OSBPL1A: variants seen among roughly 807,000 people sequenced by gnomAD.
OSBPL1A encodes the protein oxysterol binding protein like 1A.
A neutral mutation model predicts 137.1 loss-of-function variants in OSBPL1A; 80 were observed. The observed-to-expected ratio is 0.58, with a 90% CI of 0.49 to 0.70. The LOEUF (loss-of-function observed/expected upper bound fraction) is 0.70. Ranked by LOEUF, OSBPL1A falls within the 30% of genes least tolerant of loss-of-function variation. The probability of loss-of-function intolerance (pLI) is 0.00; values close to 1 mark genes in which losing one functional copy is unlikely to be tolerated. For missense variants in OSBPL1A, 970 were observed against 1,129.4 expected (o/e 0.86, Z 2.02); for synonymous variants, 365 against 389.7 (o/e 0.94, Z 0.75).
At chr18:24,260,837 CAAA>C (rs71373370) in intron 15 of OSBPL1A, among the ~76,000 whole-genome samples, 1 of 120,448 alleles carries the variant, frequency 8.3e-6, no homozygotes. Context: ...TAAAAGAACT[CAAA>C]AAAAAAAAAA....
chr18:24,176,991 T>G (rs2086467427), intron 21 of OSBPL1A, among the ~76,000 whole-genome samples: 1 of 152,182 alleles, frequency 6.6e-6, no homozygotes, highest in South Asian at 2.1e-4. Context: ...GCCTCTCTGC[T>G]CTGTCTTGTA....
At chr18:24,366,783 T>G in intron 4 of OSBPL1A, 109 bp downstream of exon 4, 1 of 1,074,916 alleles carries the variant, frequency 9.3e-7, no homozygotes, top group Non-Finnish European at 1.3e-6. Context: ...ATACATTTTT[T>G]TGTGTGGCTT....
intron 14 of OSBPL1A, among the ~76,000 whole-genome samples, chr18:24,283,406 A>G (rs2090005362): frequency 6.6e-6 from 1 of 151,466 alleles, no homozygotes; most frequent in Non-Finnish European, 1.5e-5. Flanking sequence ...TACATCTTAC[A>G]GAATAGTTTT....
At position 24,271,456 on chromosome 18, in the gene OSBPL1A, A is replaced by G. The variant is rs1407777847; in HGVS notation, c.1281+9386T>C. On this transcript the variant is annotated intron_variant, in intron 15 of 27. Transcript: ENST00000319481. This position sits in a 1 kb window ranked among gnomAD's most constrained non-coding sequence, Gnocchi z 4.0. The stretch of plus-strand genomic sequence containing the variant: ...TCTCCCGGCTGGTGCGCCCCTCCCC[A>G]CGCGCCCGCGGCTGCACCCCACTCT... 7.0e-6 allele frequency: 5 copies of G among 715,626 alleles called. No homozygotes were observed. Among genetic ancestry groups the G allele is most frequent in the Non-Finnish European group, 8.6e-6 (5 of 583,802 alleles). 44.3% of individuals were successfully genotyped at this position (715,626 alleles called of 1,614,324 possible).
rs577050008 is a variant in OSBPL1A, at chr18:24,258,962, G to A, written c.1282-19580C>T. ...TTTTTTTTTTTTTTTAAATTGAGAC[G>A]GAGTCTCGCTCTGTCGCCAGGCTGG... On this transcript the variant is annotated intron_variant, in intron 15 of 27. Transcript: ENST00000319481. 6.2e-4 allele frequency among the ~76,000 whole-genome samples: 79 copies of A among 127,316 alleles called. 1 individual carries two copies. In the South Asian group the frequency reaches 7.4e-3, roughly 12 times the overall value. 83.5% of individuals were successfully genotyped at this position (127,316 alleles called of 152,430 possible).
chr18:24,164,432 T>G (rs2086094402), intron 27 of OSBPL1A, among the ~76,000 whole-genome samples: 1 of 136,422 alleles, frequency 7.3e-6, no homozygotes, highest in Non-Finnish European at 1.6e-5. Flanking sequence ...TTTTTTTTTT[T>G]TTTTTTTTTT....
At chr18:24,345,778 T>C (rs1352689888) in intron 4 of OSBPL1A, among the ~76,000 whole-genome samples, 2 of 152,318 alleles carry the variant, frequency 1.3e-5, no homozygotes, top group Middle Eastern at 6.8e-3. Context: ...CCTCACTCAC[T>C]GTCTAAAGTA....
intron 15 of OSBPL1A, among the ~76,000 whole-genome samples, chr18:24,256,964 CAAAAAAAAAA>C (rs201880387): frequency 0.065 from 1,905 of 29,480 alleles, 25 homozygotes; most frequent in Non-Finnish European, 0.1. Flanking sequence ...GAAGAGGATG[CAAAAAAAAAA>C]AAAAAAAAAA....
In OSBPL1A at chr18:24,271,531, G is replaced by C. The variant is rs1226491265; in HGVS notation, c.1281+9311C>G. ...GGATCTACTCACATCCCTGGATCAAGTCTGGCCGCCCTCCCCGCTCCGTCC... is the reference window on the plus strand; with the variant it reads ...GGATCTACTCACATCCCTGGATCAACTCTGGCCGCCCTCCCCGCTCCGTCC... On this transcript the variant is annotated intron_variant, in intron 15 of 27. Coordinates refer to ENST00000319481, the MANE Select transcript of OSBPL1A (RefSeq NM_080597.4). This position sits in a 1 kb window ranked among gnomAD's most constrained non-coding sequence, Gnocchi z 4.0. The C allele has an allele frequency of 1.0e-6, 1 of 982,280 alleles. No homozygotes were observed. The allele number at this position is 982,280 out of a possible 1,614,324, so 60.8% of individuals were successfully genotyped here. A position where few individuals can be genotyped will look rare whatever the true frequency, so the allele number is the denominator to read the frequency against.
chr18:24,284,648 T>A (rs1262484706), intron 14 of OSBPL1A, among the ~76,000 whole-genome samples: 1 of 152,160 alleles, frequency 6.6e-6, no homozygotes, highest in East Asian at 1.9e-4. Context: ...AAAGTCCACA[T>A]TTCCTTAGCC....
chr18:24,169,745 G>T (rs1476706114), intron 24 of OSBPL1A, among the ~76,000 whole-genome samples: 1 of 152,216 alleles, frequency 6.6e-6, no homozygotes, highest in Non-Finnish European at 1.5e-5. Context: ...AGGAGGGAAG[G>T]GGCAGGAGTT....
chr18:24,207,049 G>A (rs1462199477), intron 17 of OSBPL1A, among the ~76,000 whole-genome samples: 1 of 152,086 alleles, frequency 6.6e-6, no homozygotes, highest in African/African-American at 2.4e-5. Context: ...AAAGAAAAAC[G>A]GTGAAAAAAT....
intron 15 of OSBPL1A, among the ~76,000 whole-genome samples, chr18:24,270,413 G>A (rs1195353299): frequency 6.6e-6 from 1 of 152,076 alleles, no homozygotes; most frequent in Non-Finnish European, 1.5e-5. Flanking sequence ...CACAACTGGG[G>A]GCAAAGAAAT....
intron 21 of OSBPL1A, among the ~76,000 whole-genome samples, chr18:24,177,736 T>C (rs1056530146): frequency 2.6e-5 from 4 of 152,234 alleles, no homozygotes; most frequent in African/African-American, 9.6e-5. Flanking sequence ...GCATGTTTCA[T>C]AAGAACTGTC....
At chr18:24,187,494 C>T (rs533170834) in intron 18 of OSBPL1A, among the ~76,000 whole-genome samples, 7 of 152,208 alleles carry the variant, frequency 4.6e-5, no homozygotes, top group South Asian at 4.2e-4. Flanking sequence ...CTACTGCTTG[C>T]GTGGCAGCCA....
chr18:24,271,801 G>C lies in OSBPL1A; in HGVS notation c.1281+9041C>G. ...TCCCTAAGTCACCTTTGCGCAGCCT[G>C]CCCCTGGCTCCGGCCGGGCAGCAGC... is the stretch of plus-strand genomic sequence containing the variant. On this transcript the variant is annotated intron_variant, in intron 15 of 27. Transcript: ENST00000319481. The surrounding 1 kb of genome is among the most constrained non-coding windows in gnomAD (Gnocchi z 4.0). 1.0e-6 allele frequency: 1 copy of C among 985,390 alleles called. No individual in the cohort carries two copies. Among genetic ancestry groups the C allele is most frequent in the Non-Finnish European group, 1.2e-6 (1 of 829,954 alleles). 61.0% of individuals were successfully genotyped at this position (985,390 alleles called of 1,614,324 possible). A position where few individuals can be genotyped will look rare whatever the true frequency, so the allele number is the denominator to read the frequency against.
Position 24,225,043 on chromosome 18 carries a change from T to C in OSBPL1A, c.1600A>G (p.Arg534Gly). The C allele has an allele frequency of 6.2e-7, 1 of 1,614,150 alleles. No homozygotes were observed. The highest frequency in any genetic ancestry group is 8.5e-7 in the Non-Finnish European group (1 of 1,179,976). ...GACAACTGTCAGAGGCGATCCTACC[T>C]GTGTTTCTTGATGCCATTGGAGAGA... ...DALSNGIKKH[R>G]TSLPSPMFSR... Residue 534 changes from arginine to glycine, a missense_variant and splice_region_variant, in exon 17 of 28, where the codon AGA (arginine) becomes GGA (glycine). By Grantham distance (125) the Arg-to-Gly change is moderately radical. This residue lies in a region of OSBPL1A where 647 missense variants were observed against 672.6 expected (regional missense o/e 0.96). Coordinates refer to ENST00000319481, the MANE Select transcript of OSBPL1A (RefSeq NM_080597.4).
At chr18:24,175,135 T>TATATATATATAC (rs1323687106) in intron 21 of OSBPL1A, among the ~76,000 whole-genome samples, 1 of 96,642 alleles carries the variant, frequency 1.0e-5, no homozygotes, top group South Asian at 3.5e-4. Context: ...TATATATATA[T>TATATATATATAC]ACACATATAT....
At chr18:24,315,710 TATATA>T (rs537844833) in intron 11 of OSBPL1A, among the ~76,000 whole-genome samples, 13,655 of 123,640 alleles carry the variant, frequency 0.11, 907 homozygotes, top group South Asian at 0.14. Flanking sequence ...TATAATAAAA[TATATA>T]ATATATGTAA....
Sources: gnomAD v4.1 joint callset for allele counts (sites outside exome capture counted in the v4.1 genomes callset) on GRCh38, gnomAD v4.1.1 for gene constraint, gnomAD v4.1.1 regional missense constraint, Gnocchi (gnomAD v3.1) non-coding constraint, MANE v1.5 for transcripts, NCBI Gene and HGNC (gene_info 2026-07-23, HGNC 2026-07-21) for gene names.